Variants in FBXO11 observed in about 807,000 individuals in gnomAD.
FBXO11 encodes F-box protein 11.
Under a neutral mutation model 117.0 loss-of-function variants are expected in FBXO11, and 13 were observed. The ratio of observed to expected loss-of-function variants is 0.11; its 90% CI spans 0.07 to 0.18. FBXO11 has a LOEUF of 0.18. Ranked by LOEUF, FBXO11 falls within the 10% of genes least tolerant of loss-of-function variation. FBXO11 has a pLI of 1.00. For synonymous variants in FBXO11, 490 were observed against 380.5 expected (o/e 1.29, Z -3.35); for missense variants, 767 against 1,164.4 (o/e 0.66, Z 4.97).
At chr2:47,841,071 G>T (rs1014418426) in intron 1 of FBXO11, among the ~76,000 whole-genome samples, 3 of 151,812 alleles carry the variant, frequency 2.0e-5, no homozygotes, top group African/African-American at 7.3e-5. Context: ...GGTAGCGGGC[G>T]CCCGTAGTCC....
chr2:47,808,088 A>G lies in FBXO11; in HGVS notation c.*30T>C, dbSNP rs1304396576. 2.5e-6 allele frequency: 4 copies of G among 1,573,992 alleles called. No individual in the cohort carries two copies. The highest frequency in any genetic ancestry group is 1.4e-5 in the African/African-American group (1 of 73,558). The stretch of plus-strand genomic sequence containing the variant: ...AAGTGTTTTAAGTTATGATGTTACA[A>G]TGGCAGGACTTTTTCTTTAGGGAAG... On this transcript the variant is annotated 3_prime_UTR_variant, in exon 23 of 23. Coordinates refer to ENST00000403359, the MANE Select transcript of FBXO11 (RefSeq NM_001190274.2).
intron 1 of FBXO11, among the ~76,000 whole-genome samples, chr2:47,880,886 G>A (rs1367393222): frequency 6.6e-6 from 1 of 151,994 alleles, no homozygotes; most frequent in African/African-American, 2.4e-5. Flanking sequence ...CCAGAGAGTG[G>A]GTTTTGCCTT....
chr2:47,833,092 G>C (rs1262251690), intron 7 of FBXO11, 22 bp from the exon 8 acceptor site: 2 of 1,506,958 alleles, frequency 1.3e-6, no homozygotes, highest in South Asian at 1.1e-5. Flanking sequence ...ATATTTTAAA[G>C]AATATTACCT....
At chr2:47,876,774 C>T (rs935842571) in intron 1 of FBXO11, among the ~76,000 whole-genome samples, 3 of 152,170 alleles carry the variant, frequency 2.0e-5, no homozygotes, top group Non-Finnish European at 4.4e-5. Flanking sequence ...AATATGAAAA[C>T]TCAGTTCAAT....
At chr2:47,868,595 T>G (rs1314840319) in intron 1 of FBXO11, among the ~76,000 whole-genome samples, 2 of 152,216 alleles carry the variant, frequency 1.3e-5, no homozygotes, top group African/African-American at 4.8e-5. Flanking sequence ...TCCATATTTT[T>G]GTTTTAAAAT....
At chr2:47,854,204 T>C (rs976591645) in intron 1 of FBXO11, among the ~76,000 whole-genome samples, 9 of 152,108 alleles carry the variant, frequency 5.9e-5, no homozygotes, top group African/African-American at 2.2e-4. Flanking sequence ...ATATTCTTTT[T>C]TTCTTTTTTT....
chr2:47,892,467 C>T (rs535065776), intron 1 of FBXO11, among the ~76,000 whole-genome samples: 9 of 152,188 alleles, frequency 5.9e-5, no homozygotes, highest in African/African-American at 1.9e-4. Flanking sequence ...TCCCTACATC[C>T]GGATCTTCCA....
intron 1 of FBXO11, among the ~76,000 whole-genome samples, chr2:47,903,760 G>A (rs1678505533): frequency 6.6e-6 from 1 of 152,090 alleles, no homozygotes; most frequent in Admixed American, 6.5e-5. Context: ...AATTTCAATC[G>A]AGTGTCATTG....
rs1208649888 is a variant in FBXO11 at position 47,905,838 on chromosome 2, C to A, written c.-118G>T. On this transcript the variant is annotated 5_prime_UTR_variant, in exon 1 of 23. Transcript: ENST00000403359. ...GAGAGGGGGGAGGAAGGAGAGGGGG[C>A]GAGGGGAAGGGGAGACGCTGAGGGC... 2 of 78,138 alleles carry A rather than the reference C, an allele frequency of 2.6e-5. No homozygotes were observed. The highest frequency in any genetic ancestry group is 2.2e-4 in the Admixed American group (1 of 4,512). 4.8% of individuals were successfully genotyped at this position (78,138 alleles called of 1,614,324 possible).
chr2:47,894,381 T>C (rs936957847), intron 1 of FBXO11, among the ~76,000 whole-genome samples: 1 of 152,072 alleles, frequency 6.6e-6, no homozygotes, highest in South Asian at 2.1e-4. Context: ...GTCCAAATAA[T>C]AGCAAAATAT....
intron 11 of FBXO11, among the ~76,000 whole-genome samples, chr2:47,823,791 G>A (rs1266727799): frequency 2.0e-5 from 3 of 151,108 alleles, no homozygotes; most frequent in African/African-American, 7.3e-5. Context: ...ATAAAAAGTA[G>A]GTATATATAC....
chr2:47,838,811 G>C (rs895424740), intron 4 of FBXO11, 48 bp downstream of exon 4: 2 of 1,554,644 alleles, frequency 1.3e-6, no homozygotes, highest in East Asian at 4.6e-5. Flanking sequence ...AGCATTTTGG[G>C]CAACAAATAA....
chr2:47,809,479 AATCT>A lies in FBXO11; in HGVS notation c.2446+117_2446+120del, dbSNP rs1431032928. The A allele has an allele frequency of 5.2e-4, 402 of 779,362 alleles. 7 individuals are homozygous for A. The East Asian group carries it at 0.01, about 20-fold the overall frequency. 48.3% of individuals were successfully genotyped at this position (779,362 alleles called of 1,614,324 possible). ...AGAACCAAAGCTCTGTTTCTTTCAA[AATCT>A]ATCTTAAACTGTTGCTAACTTGGAG... On this transcript the variant is annotated intron_variant, in intron 20 of 22. Transcript: ENST00000403359.
intron 1 of FBXO11, among the ~76,000 whole-genome samples, chr2:47,863,699 C>A (rs767427454): frequency 6.6e-6 from 1 of 152,130 alleles, no homozygotes; most frequent in Non-Finnish European, 1.5e-5. Context: ...TGCCTATAAT[C>A]CCTGCCTACG....
chr2:47,823,031 A>C (rs1057466058), intron 12 of FBXO11, 112 bp downstream of exon 12: 2 of 661,576 alleles, frequency 3.0e-6, no homozygotes, highest in Non-Finnish European at 5.0e-6. Context: ...AATCTATTTT[A>C]TAGTAGTCAA....
At chr2:47,818,709 A>G in intron 16 of FBXO11, 70 bp downstream of exon 16, 1 of 1,038,864 alleles carries the variant, frequency 9.6e-7, no homozygotes, top group South Asian at 1.6e-5. Flanking sequence ...AACAATAAGC[A>G]AATTTCTTTT....
chr2:47,872,984 C>T (rs1386659066), intron 1 of FBXO11, among the ~76,000 whole-genome samples: 4 of 151,932 alleles, frequency 2.6e-5, no homozygotes, highest in African/African-American at 9.7e-5. Context: ...TACTGGGGCA[C>T]AGGGCTCCAC....
At chr2:47,834,171 G>A (rs556235954) in intron 7 of FBXO11, among the ~76,000 whole-genome samples, 121 of 152,146 alleles carry the variant, frequency 8.0e-4, no homozygotes, top group African/African-American at 2.3e-3. Context: ...CCAACATGGC[G>A]AAACCCTATC....
At chr2:47,894,888 CTCT>C (rs879368985) in intron 1 of FBXO11, among the ~76,000 whole-genome samples, 2 of 152,110 alleles carry the variant, frequency 1.3e-5, no homozygotes, top group African/African-American at 2.4e-5. Flanking sequence ...CAGTCTCCTC[CTCT>C]GTTTTTTGTG....
Sources: allele counts gnomAD v4.1 joint callset (sites outside exome capture counted in the v4.1 genomes callset), GRCh38; gene constraint gnomAD v4.1.1; transcripts MANE v1.5; gene names NCBI Gene and HGNC (gene_info 2026-07-23, HGNC 2026-07-21).